Variants in EPB41L4B observed in about 807,000 individuals in gnomAD.
The protein encoded by EPB41L4B is band 4.1-like protein 4B.
A neutral mutation model predicts 112.5 loss-of-function variants in EPB41L4B; 30 were observed. That is an observed-to-expected ratio of 0.27 (90% CI 0.20 to 0.36). EPB41L4B has a LOEUF of 0.36. Ranked by LOEUF, EPB41L4B falls within the 10% of genes least tolerant of loss-of-function variation. The pLI, the probability that EPB41L4B is intolerant of heterozygous loss-of-function variation, is 1.00. For synonymous variants in EPB41L4B, 408 were observed against 439.7 expected, an observed-to-expected ratio of 0.93 and a Z score of 0.90; for missense variants, 1,024 against 1,133.3, an observed-to-expected ratio of 0.90 and a Z score of 1.38.
intron 15 of EPB41L4B, among the ~76,000 whole-genome samples, chr9:109,237,626 G>C (rs1013431164): frequency 6.6e-6 from 1 of 152,182 alleles, no homozygotes; most frequent in African/African-American, 2.4e-5. Context: ...AGGATTTTTA[G>C]ACTGGGGGAG....
At chr9:109,318,735 G>T (rs1837728666) in intron 1 of EPB41L4B, among the ~76,000 whole-genome samples, 1 of 152,106 alleles carries the variant, frequency 6.6e-6, no homozygotes, top group South Asian at 2.1e-4. Flanking sequence ...TATTTTAAAG[G>T]CAACAGCTCT....
At chr9:109,248,435 G>C (rs545021872) in intron 13 of EPB41L4B, among the ~76,000 whole-genome samples, 18 of 152,318 alleles carry the variant, frequency 1.2e-4, no homozygotes, top group African/African-American at 4.1e-4. Context: ...AGGAACAGTT[G>C]CCTAACAGAG....
At chr9:109,318,833 A>C (rs979363833) in intron 1 of EPB41L4B, among the ~76,000 whole-genome samples, 1 of 152,206 alleles carries the variant, frequency 6.6e-6, no homozygotes, top group African/African-American at 2.4e-5. Flanking sequence ...TGGAGAGCAC[A>C]AAGAACCACA....
chr9:109,256,106 C>T (rs1336310473), intron 9 of EPB41L4B, 30 bp downstream of exon 9: 2 of 1,575,870 alleles, frequency 1.3e-6, no homozygotes, highest in Admixed American at 1.7e-5. Flanking sequence ...TAGGAAAAGA[C>T]ATTTTTAATA....
intron 25 of EPB41L4B, 117 bp from the exon 26 acceptor site, chr9:109,174,740 A>G (rs2118559540): frequency 1.3e-6 from 1 of 761,890 alleles, no homozygotes; most frequent in African/African-American, 1.8e-5. Context: ...TTTCTTTTTT[A>G]GACTCCTTGA....
At chr9:109,191,276 T>G (rs1280677473) in intron 22 of EPB41L4B, among the ~76,000 whole-genome samples, 2 of 152,208 alleles carry the variant, frequency 1.3e-5, no homozygotes, top group African/African-American at 2.4e-5. Context: ...CCTGCATACA[T>G]GCACTCATGC....
At chr9:109,292,959 C>T (rs1588216695) in intron 1 of EPB41L4B, among the ~76,000 whole-genome samples, 1 of 152,228 alleles carries the variant, frequency 6.6e-6, no homozygotes, top group Non-Finnish European at 1.5e-5. Context: ...CAGGTGAGCT[C>T]AGCCTTCCAG....
chr9:109,215,811 C>A (rs529303706), intron 16 of EPB41L4B, among the ~76,000 whole-genome samples: 57 of 152,240 alleles, frequency 3.7e-4, no homozygotes, highest in African/African-American at 1.4e-3. Context: ...AAGATATAAA[C>A]TCATTCTATC....
Position 109,176,575 on chromosome 9 carries a change from C to T in EPB41L4B, c.2609G>A (p.Arg870Gln), listed in dbSNP as rs1293056830. ...VSTVQTIYTTRKPVSLAASAE... is the reference protein window; with the variant it reads ...VSTVQTIYTTQKPVSLAASAE... ...CCTGGCTGCCAGAGAAACAGGTTTCCGGGTGGTGTAAATGGTCTGCACTGT... is the reference window on the plus strand; with the variant it reads ...CCTGGCTGCCAGAGAAACAGGTTTCTGGGTGGTGTAAATGGTCTGCACTGT... Residue 870 changes from arginine to glutamine, a missense_variant, in exon 25 of 26, where the codon CGG becomes CAG. By Grantham distance (43) the Arg-to-Gln change is conservative (BLOSUM62 1). Coordinates refer to ENST00000374566, the MANE Select transcript of EPB41L4B (RefSeq NM_019114.5). The T allele has an allele frequency of 5.6e-6, 9 of 1,610,588 alleles. No homozygotes were observed. In the South Asian group the frequency reaches 7.7e-5, roughly 14 times the overall value.
At chr9:109,317,473 T>C (rs2119295673) in intron 1 of EPB41L4B, among the ~76,000 whole-genome samples, 1 of 152,338 alleles carries the variant, frequency 6.6e-6, no homozygotes, top group East Asian at 1.9e-4. Flanking sequence ...CTTGGCACAT[T>C]GGAGACGCCC....
chr9:109,275,078 T>C (rs1835762364), intron 2 of EPB41L4B, among the ~76,000 whole-genome samples: 1 of 152,234 alleles, frequency 6.6e-6, no homozygotes, highest in South Asian at 2.1e-4. Flanking sequence ...GGCCTCCTGT[T>C]TTGACATGGA....
rs751318919 is a variant in EPB41L4B, at chr9:109,175,020, G to T, written c.2634-397C>A. On this transcript the variant is annotated intron_variant, in intron 25 of 25. Coordinates refer to ENST00000374566, the MANE Select transcript of EPB41L4B (RefSeq NM_019114.5). ...CAACCTCCACCTCCCAGGTTCAAGCGATTCTTCTGTCTCAGCCTCCAGCAT... is the reference window on the plus strand; with the variant it reads ...CAACCTCCACCTCCCAGGTTCAAGCTATTCTTCTGTCTCAGCCTCCAGCAT... 3.6e-4 allele frequency among the ~76,000 whole-genome samples: 53 copies of T among 148,130 alleles called. 1 individual carries two copies. The highest frequency in any genetic ancestry group is 2.8e-4 in the Admixed American group (4 of 14,464).
At chr9:109,319,504 A>G (rs1381202913) in intron 1 of EPB41L4B, among the ~76,000 whole-genome samples, 1 of 152,130 alleles carries the variant, frequency 6.6e-6, no homozygotes, top group African/African-American at 2.4e-5. Flanking sequence ...CTCCCAAGTC[A>G]CCCTACCCGC....
chr9:109,253,096 T>C (rs1834854160), intron 12 of EPB41L4B, among the ~76,000 whole-genome samples: 1 of 152,170 alleles, frequency 6.6e-6, no homozygotes, highest in African/African-American at 2.4e-5. Context: ...AATTGCAAGA[T>C]GATGGAGATA....
intron 9 of EPB41L4B, 42 bp from the exon 10 acceptor site, chr9:109,255,885 A>C: frequency 6.4e-7 from 1 of 1,560,942 alleles, no homozygotes; most frequent in Non-Finnish European, 8.8e-7. Context: ...ATCTGCAGTA[A>C]AACTATCTAC....
intron 25 of EPB41L4B, 56 bp downstream of exon 25, chr9:109,176,495 C>G: frequency 6.5e-7 from 1 of 1,540,494 alleles, no homozygotes; most frequent in Non-Finnish European, 8.7e-7. Flanking sequence ...AACCTAGAGT[C>G]TCCCTGGTTT....
At chr9:109,206,887 C>A (rs1360216215) in intron 18 of EPB41L4B, among the ~76,000 whole-genome samples, 1 of 152,246 alleles carries the variant, frequency 6.6e-6, no homozygotes, top group Non-Finnish European at 1.5e-5. Context: ...CTGCGAGTCA[C>A]CCCAGCCTTG....
intron 22 of EPB41L4B, 105 bp from the exon 23 acceptor site, chr9:109,185,710 G>T: frequency 1.2e-6 from 1 of 823,758 alleles, no homozygotes; most frequent in Non-Finnish European, 1.8e-6. Context: ...CACAGTGCAA[G>T]ACAGATCTGG....
At chr9:109,302,725 T>C (rs547446614) in intron 1 of EPB41L4B, among the ~76,000 whole-genome samples, 10 of 152,256 alleles carry the variant, frequency 6.6e-5, no homozygotes, top group African/African-American at 2.4e-4. Flanking sequence ...TTCGGTCCTA[T>C]GACGAGTCAT....
Sources: gnomAD v4.1 joint callset for allele counts (sites outside exome capture counted in the v4.1 genomes callset) on GRCh38, gnomAD v4.1.1 for gene constraint, MANE v1.5 for transcripts, NCBI Gene and HGNC (gene_info 2026-07-23, HGNC 2026-07-21) for gene names.